Variants in MSR1 observed in about 807,000 individuals in gnomAD.
The protein encoded by MSR1 is macrophage scavenger receptor types I and II.
In MSR1, 53 loss-of-function variants were observed where a neutral mutation model predicts 47.2. That is an observed-to-expected ratio of 1.12 (90% CI 0.90 to 1.41). The LOEUF is 1.41. MSR1 is among the 40% of genes most tolerant of loss of function. The pLI, the probability that MSR1 is intolerant of heterozygous loss-of-function variation, is 0.00. For synonymous variants in MSR1, 239 were observed against 185.6 expected (o/e 1.29, Z -2.34); for missense variants, 786 against 546.9 (o/e 1.44, Z -4.36).
chr8:16,183,629 ATATATAAT>A (rs1563171814), intron 1 of MSR1, among the ~76,000 whole-genome samples: 1 of 141,432 alleles, frequency 7.1e-6, no homozygotes, highest in East Asian at 2.0e-4. Flanking sequence ...AATATATATA[ATATATAAT>A]ATAATAAATA....
chr8:16,176,061 G>A (rs1215729019), intron 2 of MSR1, among the ~76,000 whole-genome samples: 2 of 152,104 alleles, frequency 1.3e-5, no homozygotes, highest in Non-Finnish European at 1.5e-5. Flanking sequence ...GAATACAATG[G>A]TCATTAAAAA....
At position 16,168,325 on chromosome 8, in the gene MSR1, T is replaced by C. The variant is rs541943059; in HGVS notation, c.630+133A>G. 633 of 837,384 alleles carry C rather than the reference T, an allele frequency of 7.6e-4. 1 individual carries two copies. Among genetic ancestry groups the C allele is most frequent in the Non-Finnish European group, 1.1e-3 (553 of 511,506 alleles). 51.9% of individuals were successfully genotyped at this position (837,384 alleles called of 1,614,324 possible). On this transcript the variant is annotated intron_variant, in intron 4 of 9. Transcript: ENST00000262101. ...AACATTCGTTTAAAATCTGGATAAGTTAGCCATAGAAATCAGGGTAAACAG... is the reference window on the plus strand; with the variant it reads ...AACATTCGTTTAAAATCTGGATAAGCTAGCCATAGAAATCAGGGTAAACAG...
At chr8:16,148,016 C>G (rs1800747134) in intron 7 of MSR1, among the ~76,000 whole-genome samples, 1 of 152,144 alleles carries the variant, frequency 6.6e-6, no homozygotes, top group Admixed American at 6.6e-5. Flanking sequence ...AACACATCCT[C>G]CTGGTGATTC....
At chr8:16,127,479 T>C (rs1353272441) in intron 8 of MSR1, among the ~76,000 whole-genome samples, 1 of 152,194 alleles carries the variant, frequency 6.6e-6, no homozygotes, top group Non-Finnish European at 1.5e-5. Context: ...GCAAATCTTG[T>C]CTTATCCACC....
chr8:16,116,001 C>T (rs1006429943), intron 9 of MSR1, among the ~76,000 whole-genome samples: 1 of 151,884 alleles, frequency 6.6e-6, no homozygotes, highest in Non-Finnish European at 1.5e-5. Context: ...AATAAAAAAT[C>T]TAAGTCATAT....
At chr8:16,182,182 T>A (rs564140481) in intron 1 of MSR1, among the ~76,000 whole-genome samples, 1 of 151,988 alleles carries the variant, frequency 6.6e-6, no homozygotes, top group African/African-American at 2.4e-5. Flanking sequence ...TGTGTGTTTC[T>A]AACATATCTA....
At chr8:16,149,639 C>T (rs543214903) in intron 7 of MSR1, among the ~76,000 whole-genome samples, 3 of 152,216 alleles carry the variant, frequency 2.0e-5, no homozygotes, top group Admixed American at 2.0e-4. Flanking sequence ...ACTGGCAGAG[C>T]TGATGGAAAT....
At chr8:16,161,178 G>C (rs1026611088) in intron 5 of MSR1, among the ~76,000 whole-genome samples, 2 of 151,770 alleles carry the variant, frequency 1.3e-5, no homozygotes, top group South Asian at 4.2e-4. Flanking sequence ...TTTGGTTTGA[G>C]ATATTGTATG....
At chr8:16,138,473 A>G (rs1440855808) in intron 8 of MSR1, among the ~76,000 whole-genome samples, 1 of 152,216 alleles carries the variant, frequency 6.6e-6, no homozygotes, top group Non-Finnish European at 1.5e-5. Flanking sequence ...GGCATTCAGC[A>G]TCCATTTTTT....
chr8:16,155,474 C>T (rs1800980372), intron 5 of MSR1, among the ~76,000 whole-genome samples: 1 of 151,894 alleles, frequency 6.6e-6, no homozygotes, highest in Non-Finnish European at 1.5e-5. Context: ...TTGTACGCAT[C>T]CTAGGCAGTT....
At chr8:16,116,213 G>A (rs1799873449) in intron 9 of MSR1, among the ~76,000 whole-genome samples, 1 of 152,250 alleles carries the variant, frequency 6.6e-6, no homozygotes, top group East Asian at 1.9e-4. Flanking sequence ...CCATATGCTA[G>A]TTAACTCAAG....
At chr8:16,187,641 G>A (rs897167175) in intron 1 of MSR1, among the ~76,000 whole-genome samples, 2 of 151,954 alleles carry the variant, frequency 1.3e-5, no homozygotes, top group East Asian at 1.9e-4. Flanking sequence ...ACATAATGCC[G>A]TATTTAAAAT....
In MSR1 at chr8:16,129,766, A is replaced by C. The variant is rs919180073; in HGVS notation, c.1034-9160T>G. On this transcript the variant is annotated intron_variant, in intron 8 of 9. Coordinates refer to ENST00000262101, the MANE Select transcript of MSR1 (RefSeq NM_138715.3). ...ATCCCCTCAACACGCCCTAAAAAAG[A>C]TTTACATCTTAAGGGCAGGACATTT... Among the ~76,000 whole-genome samples the C allele has an allele frequency of 2.8e-4, 21 of 74,770 alleles. 1 individual carries two copies. Among genetic ancestry groups the C allele is most frequent in the Non-Finnish European group, 9.8e-4 (21 of 21,368 alleles). 49.1% of individuals were successfully genotyped at this position (74,770 alleles called of 152,430 possible).
At chr8:16,156,617 C>T (rs1336141312) in intron 5 of MSR1, among the ~76,000 whole-genome samples, 2 of 151,684 alleles carry the variant, frequency 1.3e-5, no homozygotes, top group Non-Finnish European at 2.9e-5. Flanking sequence ...ACATAAAAGC[C>T]TAGAAAAAGC....
At chr8:16,111,936 A>AT (rs1799764725) in intron 9 of MSR1, among the ~76,000 whole-genome samples, 1 of 151,830 alleles carries the variant, frequency 6.6e-6, no homozygotes, top group African/African-American at 2.4e-5. Flanking sequence ...AACCTCCTTC[A>AT]TTATTAGACT....
intron 7 of MSR1, among the ~76,000 whole-genome samples, chr8:16,148,751 C>T (rs556106129): frequency 1.1e-3 from 172 of 152,192 alleles, no homozygotes; most frequent in African/African-American, 4.0e-3. Context: ...TGAGCCACCA[C>T]GCCCAGCCTA....
intron 8 of MSR1, among the ~76,000 whole-genome samples, chr8:16,129,357 G>T (rs1250487358): frequency 2.0e-5 from 3 of 152,108 alleles, no homozygotes; most frequent in Non-Finnish European, 4.4e-5. Flanking sequence ...TCCGGGAAAG[G>T]ATTAAGAGTC....
At position 16,108,739 on chromosome 8, in the gene MSR1, A is replaced by C. The variant is rs1400202615; in HGVS notation, c.*1346T>G. The C allele has an allele frequency of 2.0e-5, 3 of 152,140 alleles. No individual in the cohort carries two copies. Among genetic ancestry groups the C allele is most frequent in the Non-Finnish European group, 4.4e-5 (3 of 67,994 alleles). The allele number at this position is 152,140 out of a possible 1,614,324, so 9.4% of individuals were successfully genotyped here. On this transcript the variant is annotated 3_prime_UTR_variant, in exon 10 of 10. Transcript: ENST00000262101. The stretch of plus-strand genomic sequence containing the variant: ...CAGTAGGCTGTTTACAGTAATTCCA[A>C]TTCCAAGGTAAGGTTTTGCCTTTTT...
intron 8 of MSR1, among the ~76,000 whole-genome samples, chr8:16,131,277 T>C (rs548522511): frequency 6.6e-6 from 1 of 152,258 alleles, no homozygotes; most frequent in Admixed American, 6.5e-5. Context: ...TGGCCACGTG[T>C]ACGTCTTCCT....
Sources: allele counts gnomAD v4.1 joint callset (sites outside exome capture counted in the v4.1 genomes callset), GRCh38; gene constraint gnomAD v4.1.1; transcripts MANE v1.5; gene names NCBI Gene and HGNC (gene_info 2026-07-23, HGNC 2026-07-21).